The following WBP1L variants were observed in gnomAD, a reference collection of about 807,000 sequenced individuals.
WBP1L encodes the protein WW domain binding protein 1-like.
In WBP1L, 17 loss-of-function variants were observed where a neutral mutation model predicts 33.7. The observed-to-expected ratio is 0.50, with a 90% confidence interval of 0.34 to 0.76. The LOEUF (loss-of-function observed/expected upper bound fraction) is 0.76. Ranked by LOEUF, WBP1L falls within the 30% of genes least tolerant of loss-of-function variation. The probability of loss-of-function intolerance (pLI) is 0.01; values close to 1 mark genes in which losing one functional copy is unlikely to be tolerated. For missense variants in WBP1L, 389 were observed against 469.4 expected (o/e 0.83, Z 1.58); for synonymous variants, 173 against 190.8 (o/e 0.91, Z 0.77).
At position 102,816,098 on chromosome 10, in the gene WBP1L, T is replaced by C. The variant is rs1277207319; in HGVS notation, c.*2767T>C. 6.6e-6 allele frequency: 1 copy of C among 152,624 alleles called. No individual in the cohort carries two copies. Among genetic ancestry groups the C allele is most frequent in the Non-Finnish European group, 1.5e-5 (1 of 68,022 alleles). The allele number at this position is 152,624 out of a possible 1,614,324, so 9.5% of individuals were successfully genotyped here. ...GAACACATTCCTGTGTGAGGCACGTTACCCTTTGTCAGTTATTGTGAATAT... is the reference window on the plus strand; with the variant it reads ...GAACACATTCCTGTGTGAGGCACGTCACCCTTTGTCAGTTATTGTGAATAT... On this transcript the variant is annotated 3_prime_UTR_variant, in exon 4 of 4. Coordinates refer to ENST00000448841, the MANE Select transcript of WBP1L (RefSeq NM_001083913.2).
At chr10:102,772,551 C>G (rs1179557988) in intron 1 of WBP1L, among the ~76,000 whole-genome samples, 2 of 142,070 alleles carry the variant, frequency 1.4e-5, no homozygotes, top group East Asian at 4.0e-4. Flanking sequence ...ATGAGCCATG[C>G]CCGGCCCTTT....
At chr10:102,800,963 T>C (rs1280233091) in intron 2 of WBP1L, among the ~76,000 whole-genome samples, 2 of 152,124 alleles carry the variant, frequency 1.3e-5, no homozygotes, top group African/African-American at 2.4e-5. Flanking sequence ...AGGAAAGGCC[T>C]CCGGGAAAAA....
chr10:102,769,551 C>T (rs1196300624), intron 1 of WBP1L, among the ~76,000 whole-genome samples: 1 of 152,082 alleles, frequency 6.6e-6, no homozygotes, highest in Non-Finnish European at 1.5e-5. Flanking sequence ...TTGTTATCCC[C>T]ACAGCACATC....
chr10:102,767,399 G>A (rs1590172484), intron 1 of WBP1L, among the ~76,000 whole-genome samples: 1 of 152,190 alleles, frequency 6.6e-6, no homozygotes, highest in Non-Finnish European at 1.5e-5. Context: ...GCACATGCCT[G>A]TAGTCCCAGT....
At chr10:102,811,584 C>T (rs181861868) in intron 3 of WBP1L, among the ~76,000 whole-genome samples, 1 of 152,214 alleles carries the variant, frequency 6.6e-6, no homozygotes, top group Admixed American at 6.5e-5. Flanking sequence ...GATCTTGGCT[C>T]ACTGCAACCT....
At chr10:102,804,208 G>A (rs1387825276) in intron 2 of WBP1L, among the ~76,000 whole-genome samples, 2 of 151,886 alleles carry the variant, frequency 1.3e-5, no homozygotes, top group African/African-American at 4.8e-5. Context: ...GGCCAACATG[G>A]TGAAATGCCA....
At chr10:102,809,530 C>A (rs1429435304) in intron 2 of WBP1L, among the ~76,000 whole-genome samples, 1 of 151,732 alleles carries the variant, frequency 6.6e-6, no homozygotes, top group Non-Finnish European at 1.5e-5. Context: ...TGCCACCATA[C>A]CTGGCTGATT....
chr10:102,744,689 G>T (rs1369181970), intron 1 of WBP1L, among the ~76,000 whole-genome samples: 1 of 152,170 alleles, frequency 6.6e-6, no homozygotes, highest in African/African-American at 2.4e-5. Context: ...CTTGGTTGGA[G>T]GGAGGACTCT....
intron 1 of WBP1L, among the ~76,000 whole-genome samples, chr10:102,759,537 A>G (rs981488537): frequency 6.6e-6 from 1 of 152,194 alleles, no homozygotes; most frequent in Non-Finnish European, 1.5e-5. Context: ...CTACAAATTA[A>G]TACTCCATTT....
chr10:102,755,477 C>A (rs1402318823), intron 1 of WBP1L, among the ~76,000 whole-genome samples: 1 of 151,882 alleles, frequency 6.6e-6, no homozygotes, highest in Admixed American at 6.6e-5. Context: ...CTGCAACCTC[C>A]GCCTCCTGGG....
intron 1 of WBP1L, among the ~76,000 whole-genome samples, chr10:102,794,810 C>T (rs1843552040): frequency 1.3e-5 from 2 of 152,184 alleles, no homozygotes; most frequent in South Asian, 4.1e-4. Context: ...CTGGGTTTTC[C>T]ATACCACTAT....
chr10:102,812,781 C>G lies in WBP1L; in HGVS notation c.542C>G (p.Pro181Arg), dbSNP rs201149886. 170 of 1,609,826 alleles carry G rather than the reference C, an allele frequency of 1.1e-4. No individual in the cohort carries two copies. Among genetic ancestry groups the G allele is most frequent in the Non-Finnish European group, 1.4e-4 (164 of 1,178,226 alleles). The change falls in exon 4 of 4, where the codon CCC becomes CGC. Residue 181 changes from proline to arginine, a missense_variant. By Grantham distance (103) the Pro-to-Arg change is moderately radical (BLOSUM62 -2). Transcript: ENST00000448841. ...TRGSQGAQSS[P>R]LSEPSRSSTR... The stretch of plus-strand genomic sequence containing the variant: ...GGATCCCAGGGGGCACAGAGCAGCC[C>G]CTTGTCTGAGCCCAGCAGAAGCAGC...
At chr10:102,767,966 C>T (rs543318169) in intron 1 of WBP1L, among the ~76,000 whole-genome samples, 1 of 152,162 alleles carries the variant, frequency 6.6e-6, no homozygotes, top group Non-Finnish European at 1.5e-5. Context: ...ATGCCCCATG[C>T]GTCCTTGTTT....
chr10:102,775,727 G>C (rs1358963454), intron 1 of WBP1L, among the ~76,000 whole-genome samples: 2 of 152,140 alleles, frequency 1.3e-5, no homozygotes, highest in Admixed American at 6.5e-5. Flanking sequence ...AGAAAGTTGG[G>C]ACAGCCAGGC....
rs115179843 is a variant in WBP1L, at chr10:102,783,007, A to G, written c.91-14986A>G. 2.5e-3 allele frequency among the ~76,000 whole-genome samples: 386 copies of G among 152,260 alleles called. 4 individuals carry two copies. Among genetic ancestry groups the G allele is most frequent in the African/African-American group, 8.8e-3 (364 of 41,538 alleles). On this transcript the variant is annotated intron_variant, in intron 1 of 3. Coordinates refer to ENST00000448841, the MANE Select transcript of WBP1L (RefSeq NM_001083913.2). ...TCGATGTGGTTTCAAATACTGTCCA[A>G]TTGATCTTGTGGTTTCCATCGAGGG...
intron 1 of WBP1L, among the ~76,000 whole-genome samples, chr10:102,773,218 A>G (rs1362469078): frequency 6.6e-6 from 1 of 152,174 alleles, no homozygotes; most frequent in Non-Finnish European, 1.5e-5. Context: ...TTGCCAACTC[A>G]ATCTCTTTTT....
rs1413242959 is a variant in WBP1L at position 102,813,434 on chromosome 10, AC to A, written c.*104del. The A allele has an allele frequency of 7.0e-7, 1 of 1,423,784 alleles. No homozygotes were observed. Among genetic ancestry groups the A allele is most frequent in the Non-Finnish European group, 9.3e-7 (1 of 1,077,022 alleles). 88.2% of individuals were successfully genotyped at this position (1,423,784 alleles called of 1,614,324 possible). A position where few individuals can be genotyped will look rare whatever the true frequency, so the allele number is the denominator to read the frequency against. ...TTTCAAAGACTTTCAGAGTACAGCC[AC>A]TTGGTTCCTTTTTGTTTGTTTTCCT... On this transcript the variant is annotated 3_prime_UTR_variant, in exon 4 of 4. Transcript: ENST00000448841.
intron 1 of WBP1L, among the ~76,000 whole-genome samples, chr10:102,762,797 G>C (rs1218795804): frequency 6.6e-6 from 1 of 152,206 alleles, no homozygotes; most frequent in Admixed American, 6.5e-5. Context: ...CTTCGGGGAT[G>C]CAAGCTGTTG....
At chr10:102,802,378 T>G (rs939593450) in intron 2 of WBP1L, among the ~76,000 whole-genome samples, 1 of 151,614 alleles carries the variant, frequency 6.6e-6, no homozygotes, top group Non-Finnish European at 1.5e-5. Flanking sequence ...CTGCCGTTTT[T>G]TTTTGTTTTG....
Sources: gnomAD v4.1 joint callset for allele counts (sites outside exome capture counted in the v4.1 genomes callset) on GRCh38, gnomAD v4.1.1 for gene constraint, MANE v1.5 for transcripts, NCBI Gene and HGNC (gene_info 2026-07-23, HGNC 2026-07-21) for gene names.